CAMTA1: variants seen among roughly 807,000 people sequenced by gnomAD.
CAMTA1 encodes calmodulin-binding transcription activator 1.
A neutral mutation model predicts 170.9 loss-of-function variants in CAMTA1; 27 were observed. The observed-to-expected ratio is 0.16, with a 90% CI of 0.12 to 0.22. The LOEUF (loss-of-function observed/expected upper bound fraction) is 0.22. CAMTA1 is among the 10% of genes least tolerant of loss of function. The probability of loss-of-function intolerance (pLI) is 1.00; values close to 1 mark genes in which losing one functional copy is unlikely to be tolerated. For synonymous variants in CAMTA1, 833 were observed against 891.5 expected, an observed-to-expected ratio of 0.93 and a Z score of 1.17; for missense variants, 1,619 against 2,217.2, an observed-to-expected ratio of 0.73 and a Z score of 5.42.
chr1:7,275,724 A>G lies in CAMTA1; in HGVS notation c.438+26098A>G, dbSNP rs1670493817. 2.0e-5 allele frequency among the ~76,000 whole-genome samples: 3 copies of G among 152,134 alleles called. No individual in the cohort carries two copies. In the South Asian group the frequency reaches 6.2e-4, roughly 32 times the overall value. On this transcript the variant is annotated intron_variant, in intron 5 of 22. Transcript: ENST00000303635. ...TCTTAAAACTGACACAAAATGGAAA[A>G]TCTGAGTAGCTCTATATTTATTAAA...
chr1:7,078,166 G>T (rs1453685047), intron 3 of CAMTA1, among the ~76,000 whole-genome samples: 1 of 152,236 alleles, frequency 6.6e-6, no homozygotes, highest in Non-Finnish European at 1.5e-5. Context: ...GTGTGTGGCT[G>T]TCAGTGACAC....
chr1:7,613,193 T>G (rs1461831757), intron 6 of CAMTA1, among the ~76,000 whole-genome samples: 5 of 152,036 alleles, frequency 3.3e-5, no homozygotes, highest in Non-Finnish European at 7.4e-5. Context: ...TGTAGATGAG[T>G]GTTTGGCCAC....
At position 7,248,429 on chromosome 1, in the gene CAMTA1, G is replaced by T. The variant is rs141406803; in HGVS notation, c.303-1062G>T. Among the ~76,000 whole-genome samples, 1 of 152,222 alleles carries T rather than the reference G, an allele frequency of 6.6e-6. No homozygotes were observed. Among genetic ancestry groups the T allele is most frequent in the African/African-American group, 2.4e-5 (1 of 41,454 alleles). On this transcript the variant is annotated intron_variant, in intron 4 of 22. Coordinates refer to ENST00000303635, the MANE Select transcript of CAMTA1 (RefSeq NM_015215.4). The surrounding 1 kb of genome is among the most constrained non-coding windows in gnomAD (Gnocchi z 4.0). ...GAGGTGGCAAGCCTGCACTGGCCTC[G>T]TGGTGCGCAGAATCGCTGGCATTCC... is the stretch of plus-strand genomic sequence containing the variant.
chr1:7,402,562 C>G (rs749810143), intron 5 of CAMTA1, among the ~76,000 whole-genome samples: 3 of 152,146 alleles, frequency 2.0e-5, no homozygotes, highest in Admixed American at 1.3e-4. Flanking sequence ...ATGCTGCAGT[C>G]GTGATGGGGG....
chr1:7,425,160 G>A (rs2091808109), intron 5 of CAMTA1, among the ~76,000 whole-genome samples: 2 of 152,188 alleles, frequency 1.3e-5, no homozygotes, highest in South Asian at 4.1e-4. Context: ...AGGTCTCAAA[G>A]AGCCCACAGA....
chr1:6,838,576 T>C (rs1654246404), intron 3 of CAMTA1, among the ~76,000 whole-genome samples: 1 of 152,236 alleles, frequency 6.6e-6, no homozygotes, highest in Non-Finnish European at 1.5e-5. Flanking sequence ...CAGATTTTTT[T>C]CTTTCAGATT....
intron 3 of CAMTA1, among the ~76,000 whole-genome samples, chr1:6,851,681 T>G (rs1660402371): frequency 6.6e-6 from 1 of 151,992 alleles, no homozygotes; most frequent in Non-Finnish European, 1.5e-5. Context: ...AAGTTTGAGA[T>G]CAGCCTAGCC....
In CAMTA1 at chr1:7,050,877, G is replaced by A. The variant is rs888497623; in HGVS notation, c.235-40427G>A. 2.0e-5 allele frequency among the ~76,000 whole-genome samples: 3 copies of A among 152,208 alleles called. No individual in the cohort carries two copies. The highest frequency in any genetic ancestry group is 4.4e-5 in the Non-Finnish European group (3 of 68,030). On this transcript the variant is annotated intron_variant, in intron 3 of 22. Transcript: ENST00000303635. This position sits in a 1 kb window ranked among gnomAD's most constrained non-coding sequence, Gnocchi z 4.8. ...GTATTTATGGGAGCCGTGCACAGGAGCGCTGGCCATTCGTCTTGAGGCCCC... is the reference window on the plus strand; with the variant it reads ...GTATTTATGGGAGCCGTGCACAGGAACGCTGGCCATTCGTCTTGAGGCCCC...
intron 4 of CAMTA1, among the ~76,000 whole-genome samples, chr1:7,141,378 T>C (rs1351530256): frequency 6.6e-6 from 1 of 152,236 alleles, no homozygotes; most frequent in Non-Finnish European, 1.5e-5. Flanking sequence ...TGGAGAATGT[T>C]ATCTCTTTAA....
intron 3 of CAMTA1, among the ~76,000 whole-genome samples, chr1:6,899,146 G>A (rs1324456240): frequency 1.3e-5 from 2 of 152,190 alleles, no homozygotes; most frequent in South Asian, 4.1e-4. Context: ...CATCTTTGAT[G>A]CACTGTGGAT....
At chr1:7,378,736 T>C (rs1261206299) in intron 5 of CAMTA1, among the ~76,000 whole-genome samples, 2 of 151,954 alleles carry the variant, frequency 1.3e-5, no homozygotes, top group Non-Finnish European at 2.9e-5. Flanking sequence ...TTTAAAATGG[T>C]GAATTTTATG....
chr1:7,275,760 A>C (rs1558344306), intron 5 of CAMTA1, among the ~76,000 whole-genome samples: 1 of 152,198 alleles, frequency 6.6e-6, no homozygotes, highest in Non-Finnish European at 1.5e-5. Context: ...TTAAGTTTGT[A>C]ATTTAAAATC....
chr1:7,030,986 C>T (rs1033988986), intron 3 of CAMTA1, among the ~76,000 whole-genome samples: 1 of 150,682 alleles, frequency 6.6e-6, no homozygotes, highest in African/African-American at 2.4e-5. Context: ...AGGCGCTCGC[C>T]ACCATGCCCA....
intron 1 of CAMTA1, among the ~76,000 whole-genome samples, chr1:6,788,699 A>T (rs1640152334): frequency 6.6e-6 from 1 of 151,982 alleles, no homozygotes; most frequent in Non-Finnish European, 1.5e-5. Context: ...CCATGGCCCC[A>T]TGGAGACTTT....
At chr1:7,188,227 A>G (rs1052935202) in intron 4 of CAMTA1, among the ~76,000 whole-genome samples, 2 of 152,156 alleles carry the variant, frequency 1.3e-5, no homozygotes, top group Admixed American at 1.3e-4. Context: ...ACAATTCAAG[A>G]TGAGATTTGG....
At chr1:7,473,597 C>T (rs947457654) in intron 6 of CAMTA1, among the ~76,000 whole-genome samples, 3 of 152,236 alleles carry the variant, frequency 2.0e-5, no homozygotes, top group Non-Finnish European at 4.4e-5. Flanking sequence ...CCAGGGAGTC[C>T]TCCCTTCATG....
At chr1:7,281,026 A>G (rs1265194832) in intron 5 of CAMTA1, among the ~76,000 whole-genome samples, 1 of 152,238 alleles carries the variant, frequency 6.6e-6, no homozygotes, top group East Asian at 1.9e-4. Context: ...CACAGAATTA[A>G]TTATTCCATT....
At chr1:7,701,284 C>T (rs761042503) in intron 11 of CAMTA1, among the ~76,000 whole-genome samples, 2 of 152,204 alleles carry the variant, frequency 1.3e-5, no homozygotes, top group Non-Finnish European at 2.9e-5. Flanking sequence ...CCTGGCACAA[C>T]AGCAGGCAGA....
At chr1:7,108,228 G>C (rs1332637520) in intron 4 of CAMTA1, among the ~76,000 whole-genome samples, 1 of 152,190 alleles carries the variant, frequency 6.6e-6, no homozygotes, top group Non-Finnish European at 1.5e-5. Flanking sequence ...TGTATATGAA[G>C]CCCAGCTCTT....
Sources: gnomAD v4.1 joint callset for allele counts (sites outside exome capture counted in the v4.1 genomes callset) on GRCh38, gnomAD v4.1.1 for gene constraint, Gnocchi (gnomAD v3.1) non-coding constraint, MANE v1.5 for transcripts, NCBI Gene and HGNC (gene_info 2026-07-23, HGNC 2026-07-21) for gene names.